SCN9A: variants seen among roughly 807,000 people sequenced by gnomAD.
SCN9A encodes sodium voltage-gated channel alpha subunit 9.
A neutral mutation model predicts 187.0 loss-of-function variants in SCN9A; 131 were observed. The ratio of observed to expected loss-of-function variants is 0.70; its 90% confidence interval spans 0.61 to 0.81. SCN9A has a LOEUF of 0.81. SCN9A is among the 30% of genes least tolerant of loss of function. The pLI, the probability that SCN9A is intolerant of heterozygous loss-of-function variation, is 0.00. For synonymous variants in SCN9A, 809 were observed against 808.6 expected (o/e 1.00, Z -0.01); for missense variants, 2,252 against 2,396.6 (o/e 0.94, Z 1.26).
intron 18 of SCN9A, among the ~76,000 whole-genome samples, chr2:166,243,546 C>G (rs2106412046): frequency 6.6e-6 from 1 of 151,912 alleles, no homozygotes; most frequent in Admixed American, 6.6e-5. Flanking sequence ...GAGATGGAGC[C>G]TGGGTTGAAT....
Position 166,306,610 on chromosome 2 carries a change from A to G in SCN9A, c.378-11T>C, listed in dbSNP as rs768886558. On this transcript the variant is annotated splice_polypyrimidine_tract_variant and intron_variant, in intron 3 of 26. Transcript: ENST00000642356. The stretch of plus-strand genomic sequence containing the variant: ...AGCATGCTGAATAAGGTAGCTTAGA[A>G]TCAAGGAACAAAAGAGACGACAGTG... 1.3e-6 allele frequency: 2 copies of G among 1,527,942 alleles called. No individual in the cohort carries two copies. Among genetic ancestry groups the G allele is most frequent in the African/African-American group, 1.4e-5 (1 of 73,246 alleles). 94.6% of individuals were successfully genotyped at this position (1,527,942 alleles called of 1,614,324 possible).
chr2:166,370,223 A>ATCATCATCATCATCATCATC (rs1553507710), intron 1 of SCN9A, among the ~76,000 whole-genome samples: 12 of 121,060 alleles, frequency 9.9e-5, no homozygotes, highest in African/African-American at 4.0e-4. Flanking sequence ...TAATAATAAT[A>ATCATCATCATCATCATCATC]ATAATAATAA....
At chr2:166,353,547 G>A (rs577214491) in intron 1 of SCN9A, among the ~76,000 whole-genome samples, 58 of 152,206 alleles carry the variant, frequency 3.8e-4, no homozygotes, top group African/African-American at 1.3e-3. Context: ...TTCCCCAAAG[G>A]TCAGCTAGAT....
intron 9 of SCN9A, among the ~76,000 whole-genome samples, chr2:166,290,116 T>C (rs571450281): frequency 4.7e-4 from 71 of 151,986 alleles, no homozygotes; most frequent in African/African-American, 1.7e-3. Flanking sequence ...CCTCCCTGTG[T>C]CCATGTGTTC....
At chr2:166,292,168 C>T (rs963142275) in intron 9 of SCN9A, among the ~76,000 whole-genome samples, 2 of 151,964 alleles carry the variant, frequency 1.3e-5, no homozygotes, top group Non-Finnish European at 2.9e-5. Flanking sequence ...TGGCAATCTA[C>T]CCATCTGACA....
chr2:166,213,342 G>A (rs1051807734), intron 24 of SCN9A, among the ~76,000 whole-genome samples: 3 of 151,370 alleles, frequency 2.0e-5, no homozygotes, highest in African/African-American at 7.3e-5. Context: ...AGACTACCAT[G>A]AACAATTATA....
chr2:166,311,572 A>G lies in SCN9A; in HGVS notation c.185T>C (p.Ile62Thr), dbSNP rs886681700. ...DLEAGKQLPF[I>T]YGDIPPGMVS... The stretch of plus-strand genomic sequence containing the variant: ...CATGCCGGGAGGAATGTCCCCATAG[A>G]TGAAGGGCAGCTGTTTGCCAGCTTC... Residue 62 changes from isoleucine to threonine, a missense_variant, in exon 2 of 27, where the codon ATC (isoleucine) becomes ACC (threonine). Physicochemically the swap from Ile to Thr is moderately conservative, Grantham distance 89 (BLOSUM62 -1). Around this residue, in one of 7 missense-constraint regions of SCN9A, gnomAD observed 1,013 missense variants for 997.4 expected, o/e 1.02. Transcript: ENST00000642356. 3 of 1,613,084 alleles carry G rather than the reference A, an allele frequency of 1.9e-6. No individual in the cohort carries two copies. Among genetic ancestry groups the G allele is most frequent in the Non-Finnish European group, 2.5e-6 (3 of 1,179,714 alleles).
intron 16 of SCN9A, among the ~76,000 whole-genome samples, chr2:166,275,244 A>G (rs192000852): frequency 2.0e-4 from 31 of 152,220 alleles, no homozygotes; most frequent in Admixed American, 1.3e-3. Context: ...ATGTTTTCAC[A>G]AGTTATACCT....
intron 1 of SCN9A, among the ~76,000 whole-genome samples, chr2:166,365,326 AC>A (rs1223695953): frequency 1.3e-5 from 2 of 152,194 alleles, no homozygotes; most frequent in African/African-American, 4.8e-5. Flanking sequence ...ACAAAAAAAG[AC>A]AAAAACATTA....
rs2106483472 is a variant in SCN9A at position 166,284,700 on chromosome 2, C to T, written c.1727G>A (p.Ser576Asn). ...TCTGCTCTCATTGTCTCCAAAAATG[C>T]TGTGCTCATCATCGGCAAATTCAGT... ...SETEFADDEH[S>N]IFGDNESRRG... Residue 576 changes from serine to asparagine, a missense_variant, in exon 12 of 27, where the codon AGC becomes AAC. Coordinates refer to ENST00000642356, the MANE Select transcript of SCN9A (RefSeq NM_001365536.1). The T allele has an allele frequency of 1.2e-6, 2 of 1,614,000 alleles. No individual in the cohort carries two copies. The highest frequency in any genetic ancestry group is 2.2e-5 in the East Asian group (1 of 44,874).
At chr2:166,330,419 ATT>A (rs1405395805) in intron 1 of SCN9A, among the ~76,000 whole-genome samples, 7 of 152,062 alleles carry the variant, frequency 4.6e-5, no homozygotes, top group African/African-American at 9.7e-5. Context: ...ACATTTTCTC[ATT>A]GTTTGTTTTT....
At chr2:166,290,709 C>A (rs1213840254) in intron 9 of SCN9A, among the ~76,000 whole-genome samples, 1 of 152,052 alleles carries the variant, frequency 6.6e-6, no homozygotes, top group African/African-American at 2.4e-5. Context: ...GCATAAATGT[C>A]TTCTTTTGAG....
chr2:166,288,708 G>C (rs1191811029), intron 9 of SCN9A, 65 bp from the exon 10 acceptor site: 1 of 1,245,294 alleles, frequency 8.0e-7, no homozygotes, highest in Non-Finnish European at 1.1e-6. Context: ...ATTTCAATTT[G>C]ACAGGCATGA....
intron 7 of SCN9A, among the ~76,000 whole-genome samples, chr2:166,299,710 C>T (rs1698472588): frequency 6.6e-6 from 1 of 150,726 alleles, no homozygotes; most frequent in Non-Finnish European, 1.5e-5. Flanking sequence ...TTTCTTTTTG[C>T]TGATTGCTCT....
chr2:166,268,674 TA>T (rs771575736), intron 17 of SCN9A, among the ~76,000 whole-genome samples: 1 of 151,920 alleles, frequency 6.6e-6, no homozygotes, highest in African/African-American at 2.4e-5. Flanking sequence ...AGAAAGACCT[TA>T]GATGTAAGGT....
intron 7 of SCN9A, among the ~76,000 whole-genome samples, chr2:166,300,624 C>T (rs1424056439): frequency 6.6e-6 from 1 of 150,670 alleles, no homozygotes; most frequent in Non-Finnish European, 1.5e-5. Flanking sequence ...TGCTATAGCT[C>T]AGGGAAACCA....
intron 7 of SCN9A, among the ~76,000 whole-genome samples, chr2:166,297,226 A>AAAAAAAC (rs1698354384): frequency 7.0e-6 from 1 of 143,088 alleles, no homozygotes; most frequent in Non-Finnish European, 1.5e-5. Flanking sequence ...AAAAAAAAAA[A>AAAAAAAC]AGAACCATGA....
At chr2:166,234,037 G>T (rs1435269469) in intron 20 of SCN9A, among the ~76,000 whole-genome samples, 1 of 152,104 alleles carries the variant, frequency 6.6e-6, no homozygotes, top group East Asian at 1.9e-4. Context: ...AATCACAATT[G>T]TACTGAAGAG....
Position 166,370,235 on chromosome 2 carries a change from A to AATCATCATCATC in SCN9A, c.-51+5450_-51+5461dup, listed in dbSNP as rs58078583. On this transcript the variant is annotated intron_variant, in intron 1 of 26. Transcript: ENST00000642356. ...TAATAATAATAATAATAATAATAAT[A>AATCATCATCATC]ATCATCATCATCATCATTAGATAAT... Among the ~76,000 whole-genome samples the AATCATCATCATC allele has an allele frequency of 1.9e-3, 262 of 137,150 alleles. 2 individuals are homozygous for AATCATCATCATC. Among genetic ancestry groups the AATCATCATCATC allele is most frequent in the African/African-American group, 6.8e-3 (245 of 36,176 alleles). The allele number at this position is 137,150 out of a possible 152,430, so 90.0% of individuals were successfully genotyped here.
Sources: gnomAD v4.1 joint callset for allele counts (sites outside exome capture counted in the v4.1 genomes callset) on GRCh38, gnomAD v4.1.1 for gene constraint, gnomAD v4.1.1 regional missense constraint, MANE v1.5 for transcripts, NCBI Gene and HGNC (gene_info 2026-07-23, HGNC 2026-07-21) for gene names.